PLXNA4: variants seen among roughly 807,000 people sequenced by gnomAD.
The protein encoded by PLXNA4 is plexin-A4.
PLXNA4 carries 44 observed loss-of-function variants against 191.8 expected under a neutral mutation model. That is an observed-to-expected ratio of 0.23 (90% CI 0.18 to 0.29). The LOEUF is 0.29. PLXNA4 is among the 10% of genes least tolerant of loss of function. The pLI is 1.00. For synonymous variants in PLXNA4, 1,082 were observed against 1,009.5 expected, an observed-to-expected ratio of 1.07 and a Z score of -1.36; for missense variants, 1,800 against 2,488.8, an observed-to-expected ratio of 0.72 and a Z score of 5.89.
At chr7:132,537,257 G>A (rs777894689) in intron 1 of PLXNA4, among the ~76,000 whole-genome samples, 50 of 152,198 alleles carry the variant, frequency 3.3e-4, no homozygotes, top group Non-Finnish European at 6.2e-4. Context: ...TGTCCTTTTC[G>A]TGTGCACCAG....
At chr7:132,406,323 G>A (rs1238437423) in intron 3 of PLXNA4, among the ~76,000 whole-genome samples, 2 of 152,134 alleles carry the variant, frequency 1.3e-5, no homozygotes, top group Non-Finnish European at 2.9e-5. Context: ...AGTCACTCAC[G>A]CACTTCAAGA....
At chr7:132,267,139 C>T (rs1018393105) in intron 4 of PLXNA4, among the ~76,000 whole-genome samples, 13 of 152,176 alleles carry the variant, frequency 8.5e-5, no homozygotes, top group African/African-American at 3.1e-4. Context: ...CACACTATCT[C>T]TTGCCTCAGA....
At chr7:132,489,814 G>A (rs994401075) in intron 2 of PLXNA4, among the ~76,000 whole-genome samples, 3 of 152,176 alleles carry the variant, frequency 2.0e-5, no homozygotes, top group African/African-American at 7.2e-5. Context: ...AAAGCCTCAC[G>A]TGGAAAAGCC....
At chr7:132,378,984 G>A (rs145370381) in intron 3 of PLXNA4, among the ~76,000 whole-genome samples, 1 of 151,542 alleles carries the variant, frequency 6.6e-6, no homozygotes, top group Non-Finnish European at 1.5e-5. Flanking sequence ...CTGAGTAGCT[G>A]GGATTATAGG....
chr7:132,219,603 T>C (rs1798077937), intron 9 of PLXNA4, among the ~76,000 whole-genome samples: 1 of 152,186 alleles, frequency 6.6e-6, no homozygotes, highest in South Asian at 2.1e-4. Flanking sequence ...CCTAGAGTGG[T>C]GACAGGACAT....
At chr7:132,248,100 G>A (rs1408145386) in intron 4 of PLXNA4, among the ~76,000 whole-genome samples, 3 of 152,322 alleles carry the variant, frequency 2.0e-5, no homozygotes, top group African/African-American at 4.8e-5. Flanking sequence ...TAGGAAACAC[G>A]AGGCAAATGA....
intron 3 of PLXNA4, among the ~76,000 whole-genome samples, chr7:132,376,936 G>C (rs757180881): frequency 7.2e-5 from 11 of 152,154 alleles, no homozygotes; most frequent in Admixed American, 6.5e-5. Flanking sequence ...CCCACCTATG[G>C]CAATGTTTGC....
rs76599410 is a variant in PLXNA4 at position 132,312,946 on chromosome 7, C to T, written c.1372-14724G>A. 1.0e-2 allele frequency among the ~76,000 whole-genome samples: 1,516 copies of T among 152,282 alleles called. 36 individuals are homozygous for T. Among genetic ancestry groups the T allele is most frequent in the African/African-American group, 0.035 (1,455 of 41,548 alleles). ...TCTGGCAACTCATGTTGCACAGCTACGTCATTGGCAAAGGAGAGAGGGAAG... is the reference window on the plus strand; with the variant it reads ...TCTGGCAACTCATGTTGCACAGCTATGTCATTGGCAAAGGAGAGAGGGAAG... On this transcript the variant is annotated intron_variant, in intron 3 of 31. Coordinates refer to ENST00000321063, the MANE Select transcript of PLXNA4 (RefSeq NM_020911.2).
chr7:132,412,826 GAA>G (rs1189457401), intron 3 of PLXNA4, among the ~76,000 whole-genome samples: 1 of 152,178 alleles, frequency 6.6e-6, no homozygotes, highest in Non-Finnish European at 1.5e-5. Flanking sequence ...GAACTGGAGA[GAA>G]AACCAGGGCC....
chr7:132,478,839 G>C (rs1797226734), intron 3 of PLXNA4, among the ~76,000 whole-genome samples: 1 of 152,134 alleles, frequency 6.6e-6, no homozygotes, highest in Admixed American at 6.5e-5. Context: ...TCCAGCCCCA[G>C]AATACTCATA....
chr7:132,596,151 T>C (rs1235392415), intron 2 of PLXNA4, among the ~76,000 whole-genome samples: 1 of 152,222 alleles, frequency 6.6e-6, no homozygotes, highest in Non-Finnish European at 1.5e-5. Flanking sequence ...ACTGACTTTT[T>C]GATGAACCCA....
Position 132,281,506 on chromosome 7 carries a change from T to C in PLXNA4, c.1503+16585A>G, listed in dbSNP as rs188485333. ...CAGGTAGAAGATTCTGTTTCCAAGTTTTAAAAGTTTTAAGATATGAATTTT... is the reference window on the plus strand; with the variant it reads ...CAGGTAGAAGATTCTGTTTCCAAGTCTTAAAAGTTTTAAGATATGAATTTT... On this transcript the variant is annotated intron_variant, in intron 4 of 31. Coordinates refer to ENST00000321063, the MANE Select transcript of PLXNA4 (RefSeq NM_020911.2). Among the ~76,000 whole-genome samples, 3 of 152,312 alleles carry C rather than the reference T, an allele frequency of 2.0e-5. No homozygotes were observed. The East Asian group carries it at 5.8e-4, about 29-fold the overall frequency.
intron 3 of PLXNA4, among the ~76,000 whole-genome samples, chr7:132,375,283 C>A (rs1359490573): frequency 9.4e-5 from 5 of 52,948 alleles, no homozygotes; most frequent in East Asian, 1.1e-3. Context: ...CTCCATCCCG[C>A]CCCCCCCCAC....
At chr7:132,263,434 C>A (rs1402075768) in intron 4 of PLXNA4, among the ~76,000 whole-genome samples, 1 of 152,236 alleles carries the variant, frequency 6.6e-6, no homozygotes, top group East Asian at 1.9e-4. Flanking sequence ...TTACTAGAGA[C>A]ATGCCTGGGC....
chr7:132,224,330 A>T (rs1436812935), intron 8 of PLXNA4, among the ~76,000 whole-genome samples: 1 of 152,044 alleles, frequency 6.6e-6, no homozygotes, highest in Admixed American at 6.5e-5. Flanking sequence ...CTCCCTCCAG[A>T]GCACCATTTC....
In PLXNA4 at chr7:132,284,394, C is replaced by G. The variant is rs1432686743; in HGVS notation, c.1503+13697G>C. Among the ~76,000 whole-genome samples the G allele has an allele frequency of 2.6e-5, 4 of 152,216 alleles. No individual in the cohort carries two copies. In the East Asian group the frequency reaches 7.7e-4, roughly 29 times the overall value. ...CACGTGTCATGCTTCATGTGAATAT[C>G]ATTTGTCTCTTGAGACCCCCACACT... is the stretch of plus-strand genomic sequence containing the variant. On this transcript the variant is annotated intron_variant, in intron 4 of 31. Coordinates refer to ENST00000321063, the MANE Select transcript of PLXNA4 (RefSeq NM_020911.2).
intron 4 of PLXNA4, among the ~76,000 whole-genome samples, chr7:132,269,729 T>C (rs958515409): frequency 6.6e-6 from 1 of 152,218 alleles, no homozygotes; most frequent in African/African-American, 2.4e-5. Flanking sequence ...TTATTTTATT[T>C]TTGTCTTTTT....
At chr7:132,323,580 G>A (rs971892147) in intron 3 of PLXNA4, among the ~76,000 whole-genome samples, 2 of 152,106 alleles carry the variant, frequency 1.3e-5, no homozygotes, top group African/African-American at 2.4e-5. Context: ...CCTGCTCCAC[G>A]GCTCTGCTGT....
At position 132,198,591 on chromosome 7, in the gene PLXNA4, T is replaced by C. The variant is rs1316578939; in HGVS notation, c.2632A>G (p.Ile878Val). ...GPREGGTKVT[I>V]RGENLGLEFR... is the part of the protein sequence containing the mutation. ...TCCAGGCCCAGGTTCTCCCCTCGGA[T>C]AGTGACCTTGGTGCCCCCTTCCCGG... The change falls in exon 13 of 32, where the codon ATC (isoleucine) becomes GTC (valine). Residue 878 changes from isoleucine (I) to valine (V), a missense_variant. Around this residue, in one of 6 missense-constraint regions of PLXNA4, gnomAD observed 1,397 missense variants for 1,880.4 expected, o/e 0.74. Transcript: ENST00000321063. 1 of 1,614,106 alleles carries C rather than the reference T, an allele frequency of 6.2e-7. No individual in the cohort carries two copies. The highest frequency in any genetic ancestry group is 8.5e-7 in the Non-Finnish European group (1 of 1,180,034).
Sources: allele counts gnomAD v4.1 joint callset (sites outside exome capture counted in the v4.1 genomes callset), GRCh38; gene constraint gnomAD v4.1.1; regional missense constraint gnomAD v4.1.1; transcripts MANE v1.5; gene names NCBI Gene and HGNC (gene_info 2026-07-23, HGNC 2026-07-21).